TAF1B: variants seen among roughly 807,000 people sequenced by gnomAD.
TAF1B encodes TATA box-binding protein-associated factor RNA polymerase I subunit B.
Under a neutral mutation model 83.9 loss-of-function variants are expected in TAF1B, and 61 were observed. The ratio of observed to expected loss-of-function variants is 0.73; its 90% CI spans 0.59 to 0.90. TAF1B has a LOEUF of 0.90. Among genes scored for constraint, TAF1B ranks in the 40% least tolerant of loss-of-function variants. The pLI is 0.00. For missense variants in TAF1B, 625 were observed against 677.0 expected (o/e 0.92, Z 0.85); for synonymous variants, 221 against 224.6 (o/e 0.98, Z 0.14).
chr2:9,845,016 C>T (rs1206971384), intron 1 of TAF1B, among the ~76,000 whole-genome samples: 1 of 152,014 alleles, frequency 6.6e-6, no homozygotes, highest in Non-Finnish European at 1.5e-5. Context: ...CTGCATATTT[C>T]AATAAATTTT....
chr2:9,911,390 C>T, intron 10 of TAF1B, 121 bp from the exon 11 acceptor site: 5 of 710,314 alleles, frequency 7.0e-6, no homozygotes, highest in Non-Finnish European at 1.1e-5. Flanking sequence ...GATTGCTTCT[C>T]CATTAAAACA....
intron 8 of TAF1B, among the ~76,000 whole-genome samples, chr2:9,892,847 C>T (rs542601356): frequency 1.1e-4 from 17 of 152,082 alleles, no homozygotes; most frequent in Admixed American, 2.0e-4. Flanking sequence ...ATTTCATTTC[C>T]ATGATGGCTA....
chr2:9,848,758 T>A (rs1328919887), intron 2 of TAF1B, among the ~76,000 whole-genome samples: 1 of 152,142 alleles, frequency 6.6e-6, no homozygotes, highest in Admixed American at 6.6e-5. Context: ...GACTCAACAC[T>A]TTATTTTTAG....
intron 14 of TAF1B, among the ~76,000 whole-genome samples, chr2:9,923,824 G>A (rs1665954910): frequency 6.6e-6 from 1 of 152,214 alleles, no homozygotes; most frequent in African/African-American, 2.4e-5. Flanking sequence ...ATTTTATCCT[G>A]AAGAGGAGAA....
intron 11 of TAF1B, among the ~76,000 whole-genome samples, chr2:9,912,237 T>C (rs1323515894): frequency 6.6e-6 from 1 of 152,020 alleles, no homozygotes; most frequent in Non-Finnish European, 1.5e-5. Context: ...TGTGAGCTTC[T>C]GGAGGGAGGG....
intron 4 of TAF1B, among the ~76,000 whole-genome samples, chr2:9,854,113 C>T (rs1018681684): frequency 6.6e-6 from 1 of 152,172 alleles, no homozygotes; most frequent in African/African-American, 2.4e-5. Context: ...ATACTAATCC[C>T]TAGTGTGCAT....
At chr2:9,898,371 T>G (rs1432963801) in intron 8 of TAF1B, among the ~76,000 whole-genome samples, 1 of 152,228 alleles carries the variant, frequency 6.6e-6, no homozygotes. Context: ...AAGCCTTATC[T>G]CTATGTCTGT....
chr2:9,868,729 C>T (rs999317477), intron 6 of TAF1B: 30 of 539,848 alleles, frequency 5.6e-5, no homozygotes, highest in Non-Finnish European at 8.4e-5. Flanking sequence ...TGTGTGGGCT[C>T]AGCGTCTTCA....
intron 5 of TAF1B, among the ~76,000 whole-genome samples, chr2:9,866,518 G>A (rs951676468): frequency 1.3e-5 from 2 of 152,194 alleles, no homozygotes; most frequent in African/African-American, 2.4e-5. Context: ...CATTGTGGAA[G>A]TCAGTGTGGC....
intron 8 of TAF1B, among the ~76,000 whole-genome samples, chr2:9,888,138 T>C (rs568316630): frequency 6.6e-6 from 1 of 152,336 alleles, no homozygotes; most frequent in African/African-American, 2.4e-5. Flanking sequence ...CTCTCTGTGT[T>C]TTTTTGTGGT....
chr2:9,855,374 C>G (rs976910011), intron 5 of TAF1B, among the ~76,000 whole-genome samples: 4 of 152,116 alleles, frequency 2.6e-5, no homozygotes, highest in African/African-American at 9.7e-5. Flanking sequence ...TAAGCTGAAA[C>G]TATCATTAAG....
Position 9,914,874 on chromosome 2 carries a change from C to T in TAF1B, c.1271+1625C>T, listed in dbSNP as rs899295254. Among the ~76,000 whole-genome samples, 2 of 152,164 alleles carry T rather than the reference C, an allele frequency of 1.3e-5. No individual in the cohort carries two copies. Among genetic ancestry groups the T allele is most frequent in the African/African-American group, 2.4e-5 (1 of 41,450 alleles). On this transcript the variant is annotated intron_variant, in intron 12 of 14. Coordinates refer to ENST00000263663, the MANE Select transcript of TAF1B (RefSeq NM_005680.3). The surrounding 1 kb of genome is among the most constrained non-coding windows in gnomAD (Gnocchi z 4.3). ...TGCTGCTCAGGCCCAGAGCTCAGTG[C>T]GTGGTGGCCACCTGTCGGTTTCACC...
At position 9,893,494 on chromosome 2, in the gene TAF1B, G is replaced by A. The variant is rs1301941841; in HGVS notation, c.807+10689G>A. On this transcript the variant is annotated intron_variant, in intron 8 of 14. Transcript: ENST00000263663. ...TTCATGAACTGCAGCTGCAAGCAAC[G>A]TGAATGAACCTAAGAAACATTATAT... Among the ~76,000 whole-genome samples, 5 of 152,314 alleles carry A rather than the reference G, an allele frequency of 3.3e-5. No homozygotes were observed. In the East Asian group the frequency reaches 7.7e-4, roughly 23 times the overall value.
At chr2:9,852,420 C>T (rs998767445) in intron 4 of TAF1B, among the ~76,000 whole-genome samples, 2 of 152,144 alleles carry the variant, frequency 1.3e-5, no homozygotes, top group African/African-American at 4.8e-5. Flanking sequence ...GTTGAGAGGT[C>T]CAGCCTAGTT....
upstream of TAF1B, chr2:9,843,458 C>G: frequency 7.6e-7 from 1 of 1,321,198 alleles, no homozygotes; most frequent in Non-Finnish European, 9.7e-7. Flanking sequence ...CGTTTCCGGC[C>G]GGAAGCTTCT....
intron 8 of TAF1B, among the ~76,000 whole-genome samples, chr2:9,895,323 A>C (rs1007168883): frequency 3.3e-5 from 5 of 152,028 alleles, no homozygotes; most frequent in Non-Finnish European, 5.9e-5. Flanking sequence ...AACATGGTGA[A>C]ACTCTGGCTC....
chr2:9,895,774 A>G (rs1664998352), intron 8 of TAF1B, among the ~76,000 whole-genome samples: 1 of 151,460 alleles, frequency 6.6e-6, no homozygotes, highest in Non-Finnish European at 1.5e-5. Context: ...ATCTGCCTCA[A>G]AACAACAATA....
chr2:9,918,974 C>T, intron 12 of TAF1B, 67 bp from the exon 13 acceptor site: 1 of 1,325,952 alleles, frequency 7.5e-7, no homozygotes, highest in Non-Finnish European at 1.1e-6. Context: ...TCAGATAGTG[C>T]TTCAGACAAT....
chr2:9,845,295 A>T lies in TAF1B; in HGVS notation c.94A>T (p.Thr32Ser), dbSNP rs901902088. ...GLTDEGKYYC[T>S]SCHNVTERYQ... ...TACTGATGAAGGCAAATATTATTGC[A>T]CTTCTTGCCACAATGTTACAGAGGT... is the stretch of plus-strand genomic sequence containing the variant. The change falls in exon 2 of 15, where the codon ACT (threonine) becomes TCT (serine). Residue 32 changes from threonine (T) to serine (S), a missense_variant. Physicochemically the swap from Thr to Ser is moderately conservative, Grantham distance 58. Transcript: ENST00000263663. 2 of 1,613,544 alleles carry T rather than the reference A, an allele frequency of 1.2e-6. No individual in the cohort carries two copies. The highest frequency in any genetic ancestry group is 1.3e-5 in the African/African-American group (1 of 74,916).
Sources: allele counts gnomAD v4.1 joint callset (sites outside exome capture counted in the v4.1 genomes callset), GRCh38; gene constraint gnomAD v4.1.1; non-coding constraint Gnocchi (gnomAD v3.1); transcripts MANE v1.5; gene names NCBI Gene and HGNC (gene_info 2026-07-23, HGNC 2026-07-21).